DGLUCY: variants seen among roughly 807,000 people sequenced by gnomAD.
DGLUCY encodes D-glutamate cyclase, also known as D-glutamate cyclase, mitochondrial.
A neutral mutation model predicts 58.5 loss-of-function variants in DGLUCY; 58 were observed. That is an observed-to-expected ratio of 0.99 (90% CI 0.80 to 1.23). The LOEUF (loss-of-function observed/expected upper bound fraction) is 1.23, where lower values mean the gene tolerates loss of function less well. Among genes scored for constraint, DGLUCY ranks in the 50% most tolerant of loss-of-function variants. DGLUCY has a pLI of 0.00. For missense variants in DGLUCY, 779 were observed against 784.7 expected (o/e 0.99, Z 0.09); for synonymous variants, 325 against 314.1 (o/e 1.03, Z -0.37).
chr14:91,217,392 G>A (rs1459823559), intron 13 of DGLUCY, among the ~76,000 whole-genome samples: 2 of 152,114 alleles, frequency 1.3e-5, no homozygotes, highest in Admixed American at 6.5e-5. Context: ...GAGATTGGGT[G>A]GGTGGTCGCT....
At chr14:91,097,926 A>G (rs1174243177) in intron 1 of DGLUCY, among the ~76,000 whole-genome samples, 18 of 152,174 alleles carry the variant, frequency 1.2e-4, no homozygotes, top group Non-Finnish European at 7.3e-5. Flanking sequence ...TGTTTTAGTA[A>G]ATGTTTAACA....
chr14:91,224,772 T>C lies in DGLUCY; in HGVS notation c.1805T>C (p.Phe602Ser), dbSNP rs760317054. 3.7e-6 allele frequency: 6 copies of C among 1,613,752 alleles called. No homozygotes were observed. The highest frequency in any genetic ancestry group is 8.5e-7 in the Non-Finnish European group (1 of 1,179,758). The change falls in exon 14 of 14, where the codon TTC becomes TCC. Residue 602 changes from phenylalanine (F) to serine (S), a missense_variant. Coordinates refer to ENST00000256324, the MANE Select transcript of DGLUCY (RefSeq NM_001102368.3). Reference sequence around the variant, plus strand: ...GGCATGGAGGTGGATGGGCTGCCCTTCCACAACACCCACGCCGAGATGATC... The same window carrying C: ...GGCATGGAGGTGGATGGGCTGCCCTCCCACAACACCCACGCCGAGATGATC... ...IVGMEVDGLP[F>S]HNTHAEMIQK... is the part of the protein sequence containing the mutation.
intron 2 of DGLUCY, among the ~76,000 whole-genome samples, chr14:91,159,319 T>C (rs2047847004): frequency 6.6e-6 from 1 of 152,016 alleles, no homozygotes; most frequent in Non-Finnish European, 1.5e-5. Context: ...TCGTGGCACA[T>C]ACCTGTAATC....
At chr14:91,209,760 C>CTA (rs764766517) in intron 12 of DGLUCY, among the ~76,000 whole-genome samples, 7 of 152,036 alleles carry the variant, frequency 4.6e-5, no homozygotes, top group Non-Finnish European at 1.0e-4. Flanking sequence ...CAAGATTGAG[C>CTA]TATATATTGT....
Position 91,074,122 on chromosome 14 carries a change from C to T in DGLUCY, c.-82+13418C>T, listed in dbSNP as rs867162826. ...AAAAAAAAATATATATATATATACA[C>T]ACACACACACACACACACACACACA... On this transcript the variant is annotated intron_variant, in intron 1 of 4. Transcript: ENST00000521334. Among the ~76,000 whole-genome samples the T allele has an allele frequency of 3.1e-4, 38 of 122,964 alleles. No homozygotes were observed. The East Asian group carries it at 4.4e-3, about 14-fold the overall frequency. The allele number at this position is 122,964 out of a possible 152,430, so 80.7% of individuals were successfully genotyped here.
At chr14:91,089,990 A>G (rs1175852787) in intron 1 of DGLUCY, among the ~76,000 whole-genome samples, 1 of 152,210 alleles carries the variant, frequency 6.6e-6, no homozygotes, top group African/African-American at 2.4e-5. Context: ...CACCCTACAT[A>G]CAACCCACTG....
At position 91,108,487 on chromosome 14, in the gene DGLUCY, T is replaced by TTG. The variant is rs34711327; in HGVS notation, c.-82+465_-82+466dup. On this transcript the variant is annotated intron_variant, in intron 1 of 4. Coordinates refer to the DGLUCY transcript ENST00000518871. ...GTCACTGGAAAGGCCCTTGAAGAAT[T>TTG]TGTGTGTGTGTGTGTGTGTGTGTGT... 7.1e-3 allele frequency among the ~76,000 whole-genome samples: 530 copies of TTG among 74,896 alleles called. 12 individuals carry two copies. The highest frequency in any genetic ancestry group is 0.013 in the African/African-American group (232 of 17,558). 49.1% of individuals were successfully genotyped at this position (74,896 alleles called of 152,430 possible). A position where few individuals can be genotyped will look rare whatever the true frequency, so the allele number is the denominator to read the frequency against.
intron 3 of DGLUCY, among the ~76,000 whole-genome samples, chr14:91,161,685 T>C (rs934042983): frequency 6.6e-6 from 1 of 151,766 alleles, no homozygotes; most frequent in Non-Finnish European, 1.5e-5. Flanking sequence ...CTTACTAATG[T>C]CCCATTGGCG....
At chr14:91,073,070 G>A (rs923185911) in intron 1 of DGLUCY, among the ~76,000 whole-genome samples, 1 of 152,102 alleles carries the variant, frequency 6.6e-6, no homozygotes, top group Non-Finnish European at 1.5e-5. Context: ...TAAGATGGAA[G>A]ATGGCTCCCA....
intron 11 of DGLUCY, among the ~76,000 whole-genome samples, chr14:91,200,947 C>T (rs930679989): frequency 6.7e-6 from 1 of 148,380 alleles, no homozygotes; most frequent in African/African-American, 2.5e-5. Flanking sequence ...TCACAAAGTA[C>T]ATTCTCAAGG....
upstream of DGLUCY, among the ~76,000 whole-genome samples, chr14:91,106,056 C>T (rs2044582491): frequency 6.6e-6 from 1 of 152,136 alleles, no homozygotes; most frequent in Non-Finnish European, 1.5e-5. Flanking sequence ...GCCTGTAATC[C>T]CAGCACTTTG....
intron 1 of DGLUCY, among the ~76,000 whole-genome samples, chr14:91,142,625 C>T (rs1299320311): frequency 6.6e-6 from 1 of 152,078 alleles, no homozygotes; most frequent in East Asian, 1.9e-4. Flanking sequence ...TGCTGACAAA[C>T]CCCTGAGCAA....
At chr14:91,220,455 A>T (rs554407475) in intron 13 of DGLUCY, 9 of 455,806 alleles carry the variant, frequency 2.0e-5, no homozygotes, top group African/African-American at 8.0e-5. Context: ...AGGCTGGGGC[A>T]GGTGTCAGGG....
intron 1 of DGLUCY, among the ~76,000 whole-genome samples, chr14:91,087,614 C>T (rs2044244851): frequency 6.6e-6 from 1 of 152,204 alleles, no homozygotes; most frequent in Admixed American, 6.5e-5. Context: ...CAACATTGCA[C>T]AAGTTACTTC....
At position 91,176,144 on chromosome 14, in the gene DGLUCY, A is replaced by G. The variant is rs377648382; in HGVS notation, c.730+88A>G. ...CTTGAAAGCATATTCTCGTAGTACAATGATTTAAAAATAAAGCCATGAAAC... is the reference window on the plus strand; with the variant it reads ...CTTGAAAGCATATTCTCGTAGTACAGTGATTTAAAAATAAAGCCATGAAAC... On this transcript the variant is annotated intron_variant, in intron 7 of 13. Coordinates refer to ENST00000256324, the MANE Select transcript of DGLUCY (RefSeq NM_001102368.3). 64 of 1,459,200 alleles carry G rather than the reference A, an allele frequency of 4.4e-5. No individual in the cohort carries two copies. In the Middle Eastern group the frequency reaches 7.9e-4, roughly 18 times the overall value. 90.4% of individuals were successfully genotyped at this position (1,459,200 alleles called of 1,614,324 possible).
chr14:91,198,911 C>T (rs1186059371), intron 10 of DGLUCY, among the ~76,000 whole-genome samples: 2 of 152,176 alleles, frequency 1.3e-5, no homozygotes, highest in Non-Finnish European at 2.9e-5. Flanking sequence ...AATCAGAACC[C>T]AGATGATCTG....
intron 1 of DGLUCY, among the ~76,000 whole-genome samples, chr14:91,092,025 T>C (rs1299123268): frequency 6.6e-6 from 1 of 152,166 alleles, no homozygotes; most frequent in Non-Finnish European, 1.5e-5. Flanking sequence ...CCAATATCTA[T>C]ACTCTAAGAT....
intron 1 of DGLUCY, among the ~76,000 whole-genome samples, chr14:91,098,865 C>T (rs2044437642): frequency 6.6e-6 from 1 of 152,198 alleles, no homozygotes; most frequent in African/African-American, 2.4e-5. Context: ...GTAAGCGCAG[C>T]AACAGTTAAT....
In DGLUCY at chr14:91,181,221, A is replaced by G. The variant is rs80178223; in HGVS notation, c.766A>G (p.Thr256Ala). 1,665 of 1,614,182 alleles carry G rather than the reference A, an allele frequency of 1.0e-3. 9 individuals are homozygous for G. The African/African-American group carries it at 0.017, about 17-fold the overall frequency. The change falls in exon 8 of 14, where the codon ACA becomes GCA. Residue 256 changes from threonine (T) to alanine (A), a missense_variant. Physicochemically the swap from Thr to Ala is moderately conservative, Grantham distance 58. Coordinates refer to ENST00000256324, the MANE Select transcript of DGLUCY (RefSeq NM_001102368.3). Reference protein sequence around the residue: ...PLAFASIPGCTVMTDLKDAKA... With the variant: ...PLAFASIPGCAVMTDLKDAKA... Reference sequence around the variant, plus strand: ...GGCTTTTGCCAGCATCCCAGGCTGCACAGTTATGACTGACCTGAAGGATGC... The same window carrying G: ...GGCTTTTGCCAGCATCCCAGGCTGCGCAGTTATGACTGACCTGAAGGATGC...
Sources: allele counts gnomAD v4.1 joint callset (sites outside exome capture counted in the v4.1 genomes callset), GRCh38; gene constraint gnomAD v4.1.1; transcripts MANE v1.5; gene names NCBI Gene and HGNC (gene_info 2026-07-23, HGNC 2026-07-21).